Variants in GNB3 observed in about 807,000 individuals in gnomAD.
GNB3 encodes G protein subunit beta 3.
Under a neutral mutation model 41.2 loss-of-function variants are expected in GNB3, and 33 were observed. That is an observed-to-expected ratio of 0.80 (90% CI 0.61 to 1.07). The LOEUF is 1.07. Ranked by LOEUF, GNB3 falls within the 50% of genes least tolerant of loss-of-function variation. The pLI is 0.00. For missense variants in GNB3, 409 were observed against 455.3 expected, an observed-to-expected ratio of 0.90 and a Z score of 0.92; for synonymous variants, 172 against 173.4, an observed-to-expected ratio of 0.99 and a Z score of 0.06.
intron 3 of GNB3, chr12:6,841,847 C>T (rs1555123499): frequency 1.4e-6 from 1 of 691,756 alleles, no homozygotes; most frequent in East Asian, 2.7e-5. Flanking sequence ...ATCCGTAGAA[C>T]AAGAGTGACC....
Position 6,841,600 on chromosome 12 carries a change from C to T in GNB3, c.72C>T (p.Ala24=), listed in dbSNP as rs782562114. The T allele has an allele frequency of 1.9e-6, 3 of 1,613,660 alleles. No individual in the cohort carries two copies. In the East Asian group the frequency reaches 6.7e-5, roughly 36 times the overall value. ...TTTCCCTGCAGGATGCCAGGAAAGC[C>T]TGTGCTGACGTTACTCTGGCAGAGG... ...LKKQIADARK[A]CADVTLAELV... is the part of the protein sequence containing the mutation. The change falls in exon 3 of 10, where the codon GCC becomes GCT. Residue 24 remains alanine, a synonymous_variant. Transcript: ENST00000229264.
At chr12:6,841,660 G>C (rs372552655) in intron 3 of GNB3, 36 bp downstream of exon 3, 33 of 1,566,004 alleles carry the variant, frequency 2.1e-5, no homozygotes, top group Admixed American at 3.4e-5. Context: ...CAGGGCATGG[G>C]GGGAGGGGAA....
rs782505727 is a variant in GNB3 at position 6,843,935 on chromosome 12, G to A, written c.656G>A (p.Arg219His). 34 of 1,613,840 alleles carry A rather than the reference G, an allele frequency of 2.1e-5. 1 individual carries two copies. The highest frequency in any genetic ancestry group is 7.7e-5 in the South Asian group (7 of 91,062). ...TGGGATGTGCGAGAGGGGACCTGCC[G>A]TCAGACTTTCACTGGCCACGAGTCG... is the stretch of plus-strand genomic sequence containing the variant. ...KLWDVREGTCRQTFTGHESDI... is the reference protein window; with the variant it reads ...KLWDVREGTCHQTFTGHESDI... The change falls in exon 8 of 10, where the codon CGT (arginine) becomes CAT (histidine). Residue 219 changes from arginine to histidine, a missense_variant. Arg to His is a conservative substitution (Grantham distance 29). Transcript: ENST00000229264. The surrounding 1 kb of genome is among the most constrained non-coding windows in gnomAD (Gnocchi z 5.9).
chr12:6,845,986 T>A, intron 9 of GNB3, 184 bp downstream of exon 9: 1 of 599,506 alleles, frequency 1.7e-6, no homozygotes, highest in East Asian at 2.8e-5. Context: ...TTTCCCTCAG[T>A]GTTGCTCTAA....
Position 6,841,423 on chromosome 12 carries a change from G to A in GNB3, c.57+79G>A, listed in dbSNP as rs1391176994. On this transcript the variant is annotated intron_variant, in intron 2 of 9. Transcript: ENST00000229264. Reference sequence around the variant, plus strand: ...AGCGTGGCCCAGGGGGAGGGGGCTGGGTTTGCTCTTGAGTGACTAGAAGTG... The same window carrying A: ...AGCGTGGCCCAGGGGGAGGGGGCTGAGTTTGCTCTTGAGTGACTAGAAGTG... 3 of 1,366,532 alleles carry A rather than the reference G, an allele frequency of 2.2e-6. No individual in the cohort carries two copies. In the African/African-American group the frequency reaches 4.3e-5, roughly 20 times the overall value. 84.7% of individuals were successfully genotyped at this position (1,366,532 alleles called of 1,614,324 possible).
rs781856521 is a variant in GNB3, at chr12:6,846,793, C to A, written c.918C>A (p.Gly306=). Residue 306 remains glycine, a splice_region_variant and synonymous_variant, in exon 10 of 10, where the codon GGC becomes GGA. Transcript: ENST00000229264. ...VWDSMKSERV[G]ILSGHDNRVS... ...CTGACTCCTTTCCCTCTTCCTCAGG[C>A]ATCCTCTCTGGCCACGATAACAGGG... is the stretch of plus-strand genomic sequence containing the variant. The A allele has an allele frequency of 1.3e-6, 2 of 1,575,588 alleles. No individual in the cohort carries two copies. The highest frequency in any genetic ancestry group is 1.7e-6 in the Non-Finnish European group (2 of 1,155,658).
chr12:6,843,465 T>C lies in GNB3; in HGVS notation c.370T>C (p.Tyr124His), dbSNP rs1555123841. The C allele has an allele frequency of 1.2e-6, 2 of 1,614,164 alleles. No homozygotes were observed. The highest frequency in any genetic ancestry group is 1.7e-5 in the Admixed American group (1 of 60,030). ...GGGGCTGGACAACATGTGTTCCATC[T>C]ACAACCTCAAATCCCGTGAGGGCAA... ...CGGLDNMCSI[Y>H]NLKSREGNVK... The change falls in exon 6 of 10, where the codon TAC becomes CAC. Residue 124 changes from tyrosine (Y) to histidine (H), a missense_variant. Transcript: ENST00000229264. This position sits in a 1 kb window ranked among gnomAD's most constrained non-coding sequence, Gnocchi z 5.9.
chr12:6,841,661 G>T, intron 3 of GNB3, 37 bp downstream of exon 3: 1 of 1,519,118 alleles, frequency 6.6e-7, no homozygotes, highest in East Asian at 2.3e-5. Context: ...AGGGCATGGG[G>T]GGAGGGGAAG....
In GNB3 at chr12:6,846,695, ACACACC is replaced by A. The variant is rs1555124787; in HGVS notation, c.917-91_917-86del. On this transcript the variant is annotated intron_variant, in intron 9 of 9. Coordinates refer to ENST00000229264, the MANE Select transcript of GNB3 (RefSeq NM_002075.4). ...TCCCCCCACACACCCACATACACAC[ACACACC>A]CACACACCCACACATACACTTACAC... 2.3e-4 allele frequency: 145 copies of A among 644,232 alleles called. No homozygotes were observed. The African/African-American group carries it at 3.5e-3, about 16-fold the overall frequency. 39.9% of individuals were successfully genotyped at this position (644,232 alleles called of 1,614,324 possible). A position where few individuals can be genotyped will look rare whatever the true frequency, so the allele number is the denominator to read the frequency against.
At position 6,843,051 on chromosome 12, in the gene GNB3, G is replaced by A. The variant is rs782554195; in HGVS notation, c.178G>A (p.Ala60Thr). ...TLRGHLAKIYAMHWATDSKLL... is the reference protein window; with the variant it reads ...TLRGHLAKIYTMHWATDSKLL... ...AAGGGGACACCTGGCCAAGATTTACGCCATGCACTGGGCCACTGATTCTAA... is the reference window on the plus strand; with the variant it reads ...AAGGGGACACCTGGCCAAGATTTACACCATGCACTGGGCCACTGATTCTAA... The change falls in exon 4 of 10, where the codon GCC becomes ACC. Residue 60 changes from alanine to threonine, a missense_variant. Transcript: ENST00000229264. This position sits in a 1 kb window ranked among gnomAD's most constrained non-coding sequence, Gnocchi z 5.9. 11 of 1,594,216 alleles carry A rather than the reference G, an allele frequency of 6.9e-6. No individual in the cohort carries two copies. The highest frequency in any genetic ancestry group is 2.7e-5 in the African/African-American group (2 of 74,718).
chr12:6,844,960 GTCTATATTCAAATTTCACCAAT>G (rs1555124263), intron 8 of GNB3: 1 of 152,318 alleles, frequency 6.6e-6, no homozygotes, highest in Admixed American at 6.5e-5. Context: ...ACAGTCTACA[GTCTATATTCAAATTTCACCAAT>G]AGCCTCAAAA....
Position 6,841,569 on chromosome 12 carries a change from G to A in GNB3, c.58-17G>A. 2 of 1,612,366 alleles carry A rather than the reference G, an allele frequency of 1.2e-6. No individual in the cohort carries two copies. The highest frequency in any genetic ancestry group is 2.2e-5 in the East Asian group (1 of 44,828). On this transcript the variant is annotated splice_polypyrimidine_tract_variant and intron_variant, in intron 2 of 9. Transcript: ENST00000229264. ...CCCACCTCGCCCTTGCTCCCCTGAT[G>A]TCTGCTTTCCCTGCAGGATGCCAGG...
chr12:6,844,104 T>C (rs1555124076), intron 8 of GNB3, 126 bp downstream of exon 8: 17 of 624,072 alleles, frequency 2.7e-5, no homozygotes, highest in African/African-American at 1.1e-4. Flanking sequence ...TTTTTTTTTT[T>C]TTTTTTTTTT....
At chr12:6,841,728 G>A (rs782276504) in intron 3 of GNB3, 104 bp downstream of exon 3, 10 of 821,274 alleles carry the variant, frequency 1.2e-5, no homozygotes, top group Admixed American at 2.0e-5. Context: ...GCACGTCCTT[G>A]GAGTGAGGAA....
Position 6,843,547 on chromosome 12 carries a change from C to T in GNB3, c.430+22C>T. On this transcript the variant is annotated intron_variant, in intron 6 of 9. Coordinates refer to ENST00000229264, the MANE Select transcript of GNB3 (RefSeq NM_002075.4). The surrounding 1 kb of genome is among the most constrained non-coding windows in gnomAD (Gnocchi z 5.9). The stretch of plus-strand genomic sequence containing the variant: ...ACAGGTGAGGGAGAGACCCTCTCCT[C>T]CCCTCCTGAGGGGTTCAGGGAACCC... The T allele has an allele frequency of 1.2e-6, 2 of 1,612,480 alleles. No homozygotes were observed. The highest frequency in any genetic ancestry group is 1.7e-6 in the Non-Finnish European group (2 of 1,178,496).
chr12:6,843,867 C>G lies in GNB3; in HGVS notation c.588C>G (p.Phe196Leu), dbSNP rs782654668. The G allele has an allele frequency of 6.2e-7, 1 of 1,613,990 alleles. No homozygotes were observed. The highest frequency in any genetic ancestry group is 8.5e-7 in the Non-Finnish European group (1 of 1,179,878). ...DCMSLAVSPD[F>L]NLFISGACDA... ...TGAGCCTGGCTGTGTCTCCTGACTT[C>G]AATCTCTTCATTTCGGGGGCCTGTG... The change falls in exon 8 of 10, where the codon TTC (phenylalanine) becomes TTG (leucine). Residue 196 changes from phenylalanine (F) to leucine (L), a missense_variant. Physicochemically the swap from Phe to Leu is conservative, Grantham distance 22. Coordinates refer to ENST00000229264, the MANE Select transcript of GNB3 (RefSeq NM_002075.4). This position sits in a 1 kb window ranked among gnomAD's most constrained non-coding sequence, Gnocchi z 5.9.
At chr12:6,846,734 C>G in intron 9 of GNB3, 58 bp from the exon 10 acceptor site, 1 of 971,242 alleles carries the variant, frequency 1.0e-6, no homozygotes, top group Non-Finnish European at 1.6e-6. Context: ...CACGCATGCA[C>G]ACACTGCTTT....
chr12:6,846,716 T>C (rs1943712031), intron 9 of GNB3, 76 bp from the exon 10 acceptor site: 4 of 768,948 alleles, frequency 5.2e-6, no homozygotes, highest in Admixed American at 2.1e-5. Context: ...CACCCACACA[T>C]ACACTTACAC....
At chr12:6,841,212 C>T (rs1943567052) in intron 1 of GNB3, 46 bp from the exon 2 acceptor site, 1 of 1,275,780 alleles carries the variant, frequency 7.8e-7, no homozygotes, top group Non-Finnish European at 1.1e-6. Flanking sequence ...GGCAGAAGCA[C>T]AGCCTGGTGG....
Sources: allele counts gnomAD v4.1 joint callset, GRCh38; gene constraint gnomAD v4.1.1; non-coding constraint Gnocchi (gnomAD v3.1); transcripts MANE v1.5; gene names NCBI Gene and HGNC (gene_info 2026-07-23, HGNC 2026-07-21).